Variants in RAPGEF2 observed in about 807,000 individuals in gnomAD.
The protein encoded by RAPGEF2 is PDZ domain containing guanine nucleotide exchange factor (GEF) 1.
In RAPGEF2, 54 loss-of-function variants were observed where a neutral mutation model predicts 186.7. That is an observed-to-expected ratio of 0.29 (90% CI 0.23 to 0.36). RAPGEF2 has a LOEUF of 0.36. Among genes scored for constraint, RAPGEF2 ranks in the 10% least tolerant of loss-of-function variants. The pLI is 1.00. For synonymous variants in RAPGEF2, 712 were observed against 705.9 expected, an observed-to-expected ratio of 1.01 and a Z score of -0.14; for missense variants, 1,532 against 2,045.0, an observed-to-expected ratio of 0.75 and a Z score of 4.84.
chr4:159,130,863 C>G (rs1419477728), intron 1 of RAPGEF2, among the ~76,000 whole-genome samples: 1 of 151,964 alleles, frequency 6.6e-6, no homozygotes, highest in African/African-American at 2.4e-5. Flanking sequence ...GCGGGCACCA[C>G]CACGTCTGGC....
At chr4:159,212,702 G>A (rs1198004230) in intron 4 of RAPGEF2, among the ~76,000 whole-genome samples, 1 of 152,122 alleles carries the variant, frequency 6.6e-6, no homozygotes, top group Non-Finnish European at 1.5e-5. Flanking sequence ...TATAAATAAT[G>A]CTGTAGCAAA....
chr4:159,340,779 CCACACACACACACACA>C lies in RAPGEF2; in HGVS notation c.2535-765_2535-750del, dbSNP rs10562531. 9.4e-5 allele frequency among the ~76,000 whole-genome samples: 10 copies of C among 106,138 alleles called. 1 individual carries two copies. Among genetic ancestry groups the C allele is most frequent in the South Asian group, 6.6e-4 (2 of 3,048 alleles). The allele number at this position is 106,138 out of a possible 152,430, so 69.6% of individuals were successfully genotyped here. On this transcript the variant is annotated intron_variant, in intron 19 of 29. Transcript: ENST00000691494. ...AAAACAAAAAATACCACCACCATCA[CCACACACACACACACA>C]CACACACACACACACACACGTGTGC...
chr4:159,266,608 T>C (rs1561174688), intron 7 of RAPGEF2, among the ~76,000 whole-genome samples: 1 of 152,204 alleles, frequency 6.6e-6, no homozygotes, highest in Non-Finnish European at 1.5e-5. Flanking sequence ...GTTAATTTTT[T>C]ATATTATTTG....
intron 16 of RAPGEF2, 59 bp downstream of exon 16, chr4:159,332,093 A>G (rs1335362656): frequency 2.7e-6 from 3 of 1,128,174 alleles, no homozygotes; most frequent in African/African-American, 1.6e-5. Flanking sequence ...TAGTATTTCA[A>G]ACATCATAAG....
intron 9 of RAPGEF2, among the ~76,000 whole-genome samples, chr4:159,316,568 A>G (rs1764638273): frequency 6.6e-6 from 1 of 152,116 alleles, no homozygotes; most frequent in African/African-American, 2.4e-5. Flanking sequence ...AACATGTAGT[A>G]TTTGGTTTTC....
At chr4:159,267,236 G>A in intron 7 of RAPGEF2, 1 of 1,289,224 alleles carries the variant, frequency 7.8e-7, no homozygotes, top group Non-Finnish European at 1.0e-6. Flanking sequence ...ATTTAGAAAA[G>A]GAAGCTTTCT....
At chr4:159,214,574 A>C (rs1483207720) in intron 4 of RAPGEF2, among the ~76,000 whole-genome samples, 1 of 152,208 alleles carries the variant, frequency 6.6e-6, no homozygotes, top group Non-Finnish European at 1.5e-5. Flanking sequence ...ATTTTGTCTA[A>C]AATTACCCCA....
intron 1 of RAPGEF2, among the ~76,000 whole-genome samples, chr4:159,106,989 T>A (rs1165752251): frequency 1.3e-5 from 2 of 152,070 alleles, no homozygotes; most frequent in Non-Finnish European, 1.5e-5. Flanking sequence ...CCAAAAAAAT[T>A]ATCATCTAAG....
At position 159,355,881 on chromosome 4, in the gene RAPGEF2, C is replaced by T. The variant is rs61748172; in HGVS notation, c.4680C>T (p.Pro1560=). 6.2e-5 allele frequency: 93 copies of T among 1,511,994 alleles called. No homozygotes were observed. The African/African-American group carries it at 1.2e-3, about 19-fold the overall frequency. The allele number at this position is 1,511,994 out of a possible 1,614,324, so 93.7% of individuals were successfully genotyped here. The change falls in exon 29 of 30, where the codon CCC becomes CCT. Residue 1560 remains proline, a synonymous_variant. Transcript: ENST00000691494. ...IARKEGRYRE[P]PPTPPGYIGI... is the part of the protein sequence containing the mutation. The stretch of plus-strand genomic sequence containing the variant: ...GAAAGGAGGGCAGGTATCGAGAGCC[C>T]CCGCCCACCCCTCCCGGCTACATTG...
chr4:159,190,623 C>G (rs1175297775), intron 2 of RAPGEF2, among the ~76,000 whole-genome samples: 2 of 152,150 alleles, frequency 1.3e-5, no homozygotes, highest in East Asian at 3.8e-4. Context: ...TTCCGCATGG[C>G]TGGGGAGGCC....
intron 7 of RAPGEF2, among the ~76,000 whole-genome samples, chr4:159,263,525 G>C (rs1387913854): frequency 6.6e-6 from 1 of 152,108 alleles, no homozygotes; most frequent in Admixed American, 6.5e-5. Context: ...CTGTGGTAGT[G>C]GGGAGAGGGA....
intron 25 of RAPGEF2, among the ~76,000 whole-genome samples, chr4:159,348,979 AC>A (rs1730795065): frequency 6.6e-6 from 1 of 152,168 alleles, no homozygotes; most frequent in East Asian, 1.9e-4. Context: ...CTTTGTCATC[AC>A]TAGCACCACT....
At chr4:159,297,964 A>G (rs1196175410) in intron 7 of RAPGEF2, among the ~76,000 whole-genome samples, 1 of 152,228 alleles carries the variant, frequency 6.6e-6, no homozygotes, top group South Asian at 2.1e-4. Context: ...TGAACAGAAG[A>G]TTAATCCGTA....
intron 4 of RAPGEF2, among the ~76,000 whole-genome samples, chr4:159,232,064 A>AC (rs1752702011): frequency 1.3e-5 from 2 of 152,086 alleles, no homozygotes; most frequent in Non-Finnish European, 2.9e-5. Flanking sequence ...TTGCCAGTAA[A>AC]CCCAGATATC....
chr4:159,137,073 C>T (rs1741796917), intron 1 of RAPGEF2, among the ~76,000 whole-genome samples: 1 of 152,118 alleles, frequency 6.6e-6, no homozygotes, highest in African/African-American at 2.4e-5. Flanking sequence ...TGTATTTTGG[C>T]TCTGTTCAGT....
At chr4:159,111,329 T>G (rs1738470117) in intron 1 of RAPGEF2, among the ~76,000 whole-genome samples, 1 of 152,248 alleles carries the variant, frequency 6.6e-6, no homozygotes, top group South Asian at 2.1e-4. Context: ...ACTAAACTTG[T>G]CTTCCGCTGG....
rs542944055 is a variant in RAPGEF2, at chr4:159,184,681, G to A, written c.70-1961G>A. On this transcript the variant is annotated intron_variant, in intron 1 of 29. Coordinates refer to ENST00000691494, the MANE Select transcript of RAPGEF2 (RefSeq NM_001394067.2). ...GAGTAGGTTGCAAAAATTTTCTCCC[G>A]TTCTGTAGGTTGCCTATTTACTCTG... 2.3e-3 allele frequency among the ~76,000 whole-genome samples: 343 copies of A among 152,032 alleles called. 3 individuals are homozygous for A. Among genetic ancestry groups the A allele is most frequent in the African/African-American group, 7.6e-3 (316 of 41,476 alleles).
chr4:159,223,613 CAAGTT>C (rs1751739588), intron 4 of RAPGEF2, among the ~76,000 whole-genome samples: 1 of 152,096 alleles, frequency 6.6e-6, no homozygotes, highest in Non-Finnish European at 1.5e-5. Flanking sequence ...AGAAAAACCT[CAAGTT>C]AAGAAATTCC....
At chr4:159,282,587 T>C in intron 7 of RAPGEF2, 1 of 444,078 alleles carries the variant, frequency 2.3e-6, no homozygotes, top group Non-Finnish European at 4.5e-6. Flanking sequence ...ATACACCAAG[T>C]CTTAATTTAA....
Sources: gnomAD v4.1 joint callset for allele counts (sites outside exome capture counted in the v4.1 genomes callset) on GRCh38, gnomAD v4.1.1 for gene constraint, MANE v1.5 for transcripts, NCBI Gene and HGNC (gene_info 2026-07-23, HGNC 2026-07-21) for gene names.